LSAMP: variants seen among roughly 807,000 people sequenced by gnomAD.
The protein encoded by LSAMP is limbic system-associated membrane protein.
LSAMP carries 7 observed loss-of-function variants against 38.6 expected under a neutral mutation model. The ratio of observed to expected loss-of-function variants is 0.18; its 90% CI spans 0.10 to 0.34. The LOEUF is 0.34. LSAMP is among the 10% of genes least tolerant of loss of function. The pLI is 1.00. For missense variants in LSAMP, 313 were observed against 420.0 expected (o/e 0.75, Z 2.23); for synonymous variants, 154 against 166.8 (o/e 0.92, Z 0.59).
At chr3:115,905,690 C>T (rs1936990787) in intron 3 of LSAMP, among the ~76,000 whole-genome samples, 1 of 152,100 alleles carries the variant, frequency 6.6e-6, no homozygotes, top group Non-Finnish European at 1.5e-5. Flanking sequence ...GTAGAAAACA[C>T]AGCCTTACAT....
rs533155838 is a variant in LSAMP at position 115,802,513 on chromosome 3, C to A, written c.*7804G>T. 317 of 143,054 alleles carry A rather than the reference C, an allele frequency of 2.2e-3. 3 individuals carry two copies. Among genetic ancestry groups the A allele is most frequent in the Middle Eastern group, 6.9e-3 (2 of 288 alleles). The allele number at this position is 143,054 out of a possible 1,614,324, so 8.9% of individuals were successfully genotyped here. On this transcript the variant is annotated 3_prime_UTR_variant, in exon 7 of 7. Transcript: ENST00000490035. ...AAAGAAAAGAAAAAAAGCTTTTTTT[C>A]ATTTTAATTTTAATTTTTTTTTTTT...
intron 2 of LSAMP, among the ~76,000 whole-genome samples, chr3:116,073,546 C>T (rs1707663525): frequency 6.6e-6 from 1 of 152,144 alleles, no homozygotes; most frequent in African/African-American, 2.4e-5. Flanking sequence ...TATCCACGAA[C>T]ATGGAATACT....
intron 1 of LSAMP, among the ~76,000 whole-genome samples, chr3:116,128,961 G>A (rs964905542): frequency 9.2e-5 from 14 of 151,966 alleles, no homozygotes; most frequent in African/African-American, 2.7e-4. Flanking sequence ...TCCCTGAAAG[G>A]TTTTATTTTC....
chr3:116,199,426 T>G (rs1398616389), intron 1 of LSAMP, among the ~76,000 whole-genome samples: 1 of 152,216 alleles, frequency 6.6e-6, no homozygotes, highest in East Asian at 1.9e-4. Context: ...TTATGTTAGT[T>G]CATTTGCTTT....
intron 3 of LSAMP, among the ~76,000 whole-genome samples, chr3:115,903,499 CA>C (rs962166384): frequency 7.3e-5 from 11 of 151,282 alleles, no homozygotes; most frequent in African/African-American, 2.4e-4. Flanking sequence ...ATAAAAGTTT[CA>C]AAAAAAAGGT....
rs1294511510 is a variant in LSAMP at position 116,207,507 on chromosome 3, C to G, written c.156-120951G>C. Among the ~76,000 whole-genome samples, 23 of 151,152 alleles carry G rather than the reference C, an allele frequency of 1.5e-4. 1 individual carries two copies. The highest frequency in any genetic ancestry group is 5.1e-4 in the African/African-American group (21 of 41,142). On this transcript the variant is annotated intron_variant, in intron 1 of 6. Transcript: ENST00000490035. ...GCAGTTTCTTCCTAGTCTCGATGGT[C>G]TTTACATTTTGGCATGATTTTGCAG...
intron 1 of LSAMP, among the ~76,000 whole-genome samples, chr3:116,098,183 G>A (rs66490447): frequency 0.27 from 41,792 of 152,058 alleles, 7,559 homozygotes; most frequent in African/African-American, 0.52. Flanking sequence ...CAAGAAGCCA[G>A]TAGATCACGA....
chr3:116,389,395 C>A (rs1382887335), intron 1 of LSAMP, among the ~76,000 whole-genome samples: 3 of 152,138 alleles, frequency 2.0e-5, no homozygotes, highest in Non-Finnish European at 4.4e-5. Flanking sequence ...GCCTTGGCCA[C>A]AGTGATGCTG....
At chr3:116,232,008 C>T (rs1249070576) in intron 1 of LSAMP, among the ~76,000 whole-genome samples, 4 of 152,104 alleles carry the variant, frequency 2.6e-5, no homozygotes, top group Non-Finnish European at 4.4e-5. Context: ...CCCTGATATG[C>T]CTCTGTTGTA....
chr3:116,204,157 A>G (rs947792649), intron 1 of LSAMP, among the ~76,000 whole-genome samples: 5 of 152,156 alleles, frequency 3.3e-5, no homozygotes, highest in African/African-American at 9.6e-5. Flanking sequence ...GCCAGTGATG[A>G]TGAGCATTTT....
At chr3:116,238,983 G>A (rs753454490) in intron 1 of LSAMP, among the ~76,000 whole-genome samples, 1 of 152,020 alleles carries the variant, frequency 6.6e-6, no homozygotes, top group Non-Finnish European at 1.5e-5. Context: ...AAGTGACAAG[G>A]TTTTGATGAT....
intron 1 of LSAMP, among the ~76,000 whole-genome samples, chr3:116,225,274 C>A (rs556751455): frequency 7.6e-4 from 116 of 152,188 alleles, no homozygotes; most frequent in Non-Finnish European, 1.1e-3. Flanking sequence ...TAAGAGAAGA[C>A]ACAAAGAGAC....
intron 1 of LSAMP, among the ~76,000 whole-genome samples, chr3:116,270,442 G>GTGAT (rs2046956421): frequency 1.4e-5 from 2 of 141,574 alleles, no homozygotes; most frequent in Non-Finnish European, 1.6e-5. Context: ...GACAACAATT[G>GTGAT]TGATTGTTTT....
At chr3:116,412,342 T>C (rs2048991415) in intron 1 of LSAMP, among the ~76,000 whole-genome samples, 1 of 152,058 alleles carries the variant, frequency 6.6e-6, no homozygotes, top group South Asian at 2.1e-4. Flanking sequence ...TCTCTCTGTC[T>C]GGAACTCCTG....
At chr3:116,148,657 T>A (rs901235258) in intron 1 of LSAMP, among the ~76,000 whole-genome samples, 4 of 152,022 alleles carry the variant, frequency 2.6e-5, no homozygotes, top group Admixed American at 2.0e-4. Flanking sequence ...CACCAGAAGC[T>A]AATGATAAGC....
At chr3:116,308,416 A>G (rs17702536) in intron 1 of LSAMP, among the ~76,000 whole-genome samples, 8,022 of 152,120 alleles carry the variant, frequency 0.053, 288 homozygotes, top group Non-Finnish European at 0.079. Flanking sequence ...AACAAGTGTG[A>G]CAGACAATAA....
chr3:116,019,150 T>G, intron 3 of LSAMP, among the ~76,000 whole-genome samples: 1 of 31,410 alleles, frequency 3.2e-5, no homozygotes, highest in Non-Finnish European at 5.9e-5. Context: ...ATTTGTTGCA[T>G]TGTGGGTGGG....
chr3:115,897,051 G>A (rs1936746829), intron 3 of LSAMP, among the ~76,000 whole-genome samples: 1 of 152,060 alleles, frequency 6.6e-6, no homozygotes, highest in Admixed American at 6.6e-5. Flanking sequence ...TAGCTGATGG[G>A]GAAGGAATAA....
At position 115,996,779 on chromosome 3, in the gene LSAMP, T is replaced by C. The variant is rs149922958; in HGVS notation, c.514+22736A>G. Among the ~76,000 whole-genome samples the C allele has an allele frequency of 4.7e-3, 718 of 152,248 alleles. 10 individuals carry two copies. The highest frequency in any genetic ancestry group is 0.017 in the African/African-American group (702 of 41,560). On this transcript the variant is annotated intron_variant, in intron 3 of 6. Transcript: ENST00000490035. ...GCTCAGGAAAGGTCATTTCCTCCCCTCCTCTCAGGCTCCCTTCAAGTTATC... is the reference window on the plus strand; with the variant it reads ...GCTCAGGAAAGGTCATTTCCTCCCCCCCTCTCAGGCTCCCTTCAAGTTATC...
Sources: gnomAD v4.1 joint callset for allele counts (sites outside exome capture counted in the v4.1 genomes callset) on GRCh38, gnomAD v4.1.1 for gene constraint, MANE v1.5 for transcripts, NCBI Gene and HGNC (gene_info 2026-07-23, HGNC 2026-07-21) for gene names.